MSGN1: variants seen among roughly 807,000 people sequenced by gnomAD.
MSGN1 encodes mesogenin-1.
In MSGN1, 3 loss-of-function variants were observed where a neutral mutation model predicts 10.1. That is an observed-to-expected ratio of 0.30 (90% CI 0.13 to 0.76). MSGN1 has a LOEUF of 0.76. Among genes scored for constraint, MSGN1 ranks in the 30% least tolerant of loss-of-function variants. The pLI, the probability that MSGN1 is intolerant of heterozygous loss-of-function variation, is 0.67. For synonymous variants in MSGN1, 110 were observed against 103.8 expected (o/e 1.06, Z -0.37); for missense variants, 244 against 244.5 (o/e 1.00, Z 0.01).
At position 17,817,355 on chromosome 2, in the gene MSGN1, AACAG is replaced by A. The variant is rs991442836; in HGVS notation, c.*261_*264del. The stretch of plus-strand genomic sequence containing the variant: ...CCATCTGGGAGGCTCATCCTTTGCA[AACAG>A]ACAGATTATTTTGCCCTTCTCTGTC... On this transcript the variant is annotated 3_prime_UTR_variant, in exon 1 of 1. Coordinates refer to ENST00000281047, the MANE Select transcript of MSGN1 (RefSeq NM_001105569.3). Among the ~76,000 whole-genome samples the A allele has an allele frequency of 3.9e-4, 60 of 152,316 alleles. No homozygotes were observed. The highest frequency in any genetic ancestry group is 1.4e-3 in the African/African-American group (59 of 41,570).
Position 17,816,693 on chromosome 2 carries a change from T to C in MSGN1, c.175T>C (p.Ser59Pro). ...TCCATCGCTGGAATCCTATTCTTCTTCTCCCTGTCCAGCTGTGGCTGGGCT... is the reference window on the plus strand; with the variant it reads ...TCCATCGCTGGAATCCTATTCTTCTCCTCCCTGTCCAGCTGTGGCTGGGCT... The part of the protein sequence containing the change: ...PAPSLESYSS[S>P]PCPAVAGLPC... The change falls in exon 1 of 1, where the codon TCT becomes CCT. Residue 59 changes from serine to proline, a missense_variant. Physicochemically the swap from Ser to Pro is moderately conservative, Grantham distance 74 (BLOSUM62 -1). Transcript: ENST00000281047. 6.8e-6 allele frequency: 11 copies of C among 1,614,192 alleles called. No individual in the cohort carries two copies. Among genetic ancestry groups the C allele is most frequent in the Non-Finnish European group, 9.3e-6 (11 of 1,180,042 alleles).
At position 17,817,087 on chromosome 2, in the gene MSGN1, C is replaced by G. The variant is rs779324076; in HGVS notation, c.569C>G (p.Ala190Gly). 2.5e-6 allele frequency: 4 copies of G among 1,613,096 alleles called. No homozygotes were observed. Among genetic ancestry groups the G allele is most frequent in the Middle Eastern group, 1.7e-4 (1 of 6,058 alleles). Residue 190 changes from alanine to glycine, a missense_variant, in exon 1 of 1, where the codon GCC becomes GGC. Transcript: ENST00000281047. ...CTTAACCGCGGCAGAGAGCCCAGAG[C>G]CCAGAGCGCGTGAGCTCCATCCGGG... is the stretch of plus-strand genomic sequence containing the variant. ...DLLNRGREPR[A>G]QSA
rs1673585268 is a variant in MSGN1 at position 17,817,043 on chromosome 2, C to T, written c.525C>T (p.Ile175=). The change falls in exon 1 of 1, where the codon ATC becomes ATT. Residue 175 remains isoleucine (I), a synonymous_variant. Coordinates refer to ENST00000281047, the MANE Select transcript of MSGN1 (RefSeq NM_001105569.3). The part of the protein sequence containing the change: ...IQTLKYTIKY[I]GELTDLLNRG... ...CACTCAAGTACACCATCAAGTACAT[C>T]GGGGAACTCACAGACCTCCTTAACC... 6.2e-7 allele frequency: 1 copy of T among 1,613,838 alleles called. No individual in the cohort carries two copies. The highest frequency in any genetic ancestry group is 8.5e-7 in the Non-Finnish European group (1 of 1,179,758).
chr2:17,816,731 C>T lies in MSGN1; in HGVS notation c.213C>T (p.His71=), dbSNP rs1435251771. 1.9e-6 allele frequency: 3 copies of T among 1,613,852 alleles called. No individual in the cohort carries two copies. Among genetic ancestry groups the T allele is most frequent in the African/African-American group, 1.3e-5 (1 of 74,946 alleles). ...CTGTGGCTGGGCTGCCCTGTGAGCACGGCGGGGCCAGCAGTGGGGGCAGCG... is the reference window on the plus strand; with the variant it reads ...CTGTGGCTGGGCTGCCCTGTGAGCATGGCGGGGCCAGCAGTGGGGGCAGCG... ...CPAVAGLPCE[H]GGASSGGSEG... The change falls in exon 1 of 1, where the codon CAC becomes CAT. Residue 71 remains histidine, a synonymous_variant. Transcript: ENST00000281047.
In MSGN1 at chr2:17,817,241, C is replaced by A; in HGVS notation, c.*141C>A. ...CCTGATAATCTTGTGATCTGAAAAACCCTAAGGGAATTCACATGTAACCTG... is the reference window on the plus strand; with the variant it reads ...CCTGATAATCTTGTGATCTGAAAAAACCTAAGGGAATTCACATGTAACCTG... On this transcript the variant is annotated 3_prime_UTR_variant, in exon 1 of 1. Coordinates refer to ENST00000281047, the MANE Select transcript of MSGN1 (RefSeq NM_001105569.3). The A allele has an allele frequency of 1.3e-6, 1 of 770,148 alleles. No individual in the cohort carries two copies. The highest frequency in any genetic ancestry group is 1.9e-5 in the South Asian group (1 of 52,962). 47.7% of individuals were successfully genotyped at this position (770,148 alleles called of 1,614,324 possible).
In MSGN1 at chr2:17,817,176, T is replaced by C. The variant is rs931862483; in HGVS notation, c.*76T>C. 8.4e-6 allele frequency: 10 copies of C among 1,191,500 alleles called. No individual in the cohort carries two copies. In the Admixed American group the frequency reaches 1.8e-4, roughly 21 times the overall value. The allele number at this position is 1,191,500 out of a possible 1,614,324, so 73.8% of individuals were successfully genotyped here. On this transcript the variant is annotated 3_prime_UTR_variant, in exon 1 of 1. Coordinates refer to ENST00000281047, the MANE Select transcript of MSGN1 (RefSeq NM_001105569.3). ...GAGTTTTGAAGACCTGGATATCTTA[T>C]TGAACAATGATCGGCGTAGAGTGAT...
chr2:17,816,991 G>C lies in MSGN1; in HGVS notation c.473G>C (p.Arg158Thr). Residue 158 changes from arginine (R) to threonine (T), a missense_variant, in exon 1 of 1, where the codon AGA (arginine) becomes ACA (threonine). Arg to Thr is a moderately conservative substitution (Grantham distance 71, BLOSUM62 -1). Transcript: ENST00000281047. ...TACCTGCCACCTGTCTACAGCCAGA[G>C]AGGCCAGCCTCTCACCAAGATCCAG... ...RNYLPPVYSQRGQPLTKIQTL... is the reference protein window; with the variant it reads ...RNYLPPVYSQTGQPLTKIQTL... 6.2e-7 allele frequency: 1 copy of C among 1,614,238 alleles called. No individual in the cohort carries two copies. The highest frequency in any genetic ancestry group is 8.5e-7 in the Non-Finnish European group (1 of 1,180,046).
chr2:17,816,891 C>G lies in MSGN1; in HGVS notation c.373C>G (p.Arg125Gly), dbSNP rs1398242129. 2 of 1,614,218 alleles carry G rather than the reference C, an allele frequency of 1.2e-6. No homozygotes were observed. Among genetic ancestry groups the G allele is most frequent in the Non-Finnish European group, 1.7e-6 (2 of 1,180,030 alleles). ...KGTKVRMSVQ[R>G]RRKASEREKL... ...CACCAAAGTCAGGATGTCTGTCCAGCGGAGGCGGAAAGCCAGCGAGAGGGA... is the reference window on the plus strand; with the variant it reads ...CACCAAAGTCAGGATGTCTGTCCAGGGGAGGCGGAAAGCCAGCGAGAGGGA... The change falls in exon 1 of 1, where the codon CGG becomes GGG. Residue 125 changes from arginine (R) to glycine (G), a missense_variant. Arg to Gly is a moderately radical substitution (Grantham distance 125). Transcript: ENST00000281047.
In MSGN1 at chr2:17,817,088, C is replaced by A. The variant is rs2125208748; in HGVS notation, c.570C>A (p.Ala190=). The change falls in exon 1 of 1, where the codon GCC becomes GCA. Residue 190 remains alanine (A), a synonymous_variant. Transcript: ENST00000281047. ...DLLNRGREPR[A]QSA ...TTAACCGCGGCAGAGAGCCCAGAGC[C>A]CAGAGCGCGTGAGCTCCATCCGGGG... 1 of 1,613,150 alleles carries A rather than the reference C, an allele frequency of 6.2e-7. No individual in the cohort carries two copies.
rs779759038 is a variant in MSGN1 at position 17,816,640 on chromosome 2, C to T, written c.122C>T (p.Ala41Val). ...DRAGPFELNQ[A>V]SPSQSLSPAP... The stretch of plus-strand genomic sequence containing the variant: ...GCAGGGCCCTTTGAGCTGAATCAGG[C>T]CTCCCCCTCTCAGAGCCTTTCCCCG... Residue 41 changes from alanine (A) to valine (V), a missense_variant, in exon 1 of 1, where the codon GCC becomes GTC. By Grantham distance (64) the Ala-to-Val change is moderately conservative (BLOSUM62 0). Transcript: ENST00000281047. 91 of 1,614,138 alleles carry T rather than the reference C, an allele frequency of 5.6e-5. No individual in the cohort carries two copies. The highest frequency in any genetic ancestry group is 7.4e-5 in the Non-Finnish European group (87 of 1,180,052).
Position 17,817,787 on chromosome 2 carries a change from G to T in MSGN1, c.*687G>T, listed in dbSNP as rs966200131. On this transcript the variant is annotated 3_prime_UTR_variant, in exon 1 of 1. Transcript: ENST00000281047. ...AACAGCTTGTGTGACAGGGAAGGAG[G>T]GTACGGGGAGGAGGAGGAGGAGACA... 6.6e-6 allele frequency among the ~76,000 whole-genome samples: 1 copy of T among 152,088 alleles called. No homozygotes were observed. Among genetic ancestry groups the T allele is most frequent in the Non-Finnish European group, 1.5e-5 (1 of 68,014 alleles).
At position 17,817,242 on chromosome 2, in the gene MSGN1, C is replaced by A. The variant is rs1185618851; in HGVS notation, c.*142C>A. On this transcript the variant is annotated 3_prime_UTR_variant, in exon 1 of 1. Coordinates refer to ENST00000281047, the MANE Select transcript of MSGN1 (RefSeq NM_001105569.3). ...CTGATAATCTTGTGATCTGAAAAAC[C>A]CTAAGGGAATTCACATGTAACCTGT... The A allele has an allele frequency of 1.0e-5, 8 of 767,682 alleles. No homozygotes were observed. Among genetic ancestry groups the A allele is most frequent in the South Asian group, 9.5e-5 (5 of 52,890 alleles). 47.6% of individuals were successfully genotyped at this position (767,682 alleles called of 1,614,324 possible).
In MSGN1 at chr2:17,817,132, C is replaced by A; in HGVS notation, c.*32C>A. The A allele has an allele frequency of 1.3e-6, 2 of 1,580,270 alleles. No homozygotes were observed. The highest frequency in any genetic ancestry group is 1.7e-6 in the Non-Finnish European group (2 of 1,155,548). On this transcript the variant is annotated 3_prime_UTR_variant, in exon 1 of 1. Transcript: ENST00000281047. ...TCCGGGGAAACTGACCGGTTCCAGC[C>A]TCCTGAGCAGGAGTAGAGGAGTTTT...
chr2:17,816,698 C>T lies in MSGN1; in HGVS notation c.180C>T (p.Pro60=), dbSNP rs1673574291. ...APSLESYSSS[P]CPAVAGLPCE... ...CGCTGGAATCCTATTCTTCTTCTCC[C>T]TGTCCAGCTGTGGCTGGGCTGCCCT... is the stretch of plus-strand genomic sequence containing the variant. Residue 60 remains proline (P), a synonymous_variant, in exon 1 of 1, where the codon CCC becomes CCT. Transcript: ENST00000281047. The T allele has an allele frequency of 3.1e-6, 5 of 1,614,236 alleles. No individual in the cohort carries two copies. Among genetic ancestry groups the T allele is most frequent in the Non-Finnish European group, 3.4e-6 (4 of 1,180,032 alleles).
At position 17,816,805 on chromosome 2, in the gene MSGN1, A is replaced by G. The variant is rs1434233935; in HGVS notation, c.287A>G (p.Asn96Ser). Residue 96 changes from asparagine (N) to serine (S), a missense_variant, in exon 1 of 1, where the codon AAT becomes AGT. Coordinates refer to ENST00000281047, the MANE Select transcript of MSGN1 (RefSeq NM_001105569.3). The part of the protein sequence containing the change: ...GASGLVEVDY[N>S]MLAFQPTHLQ... ...AGTGGCCTGGTAGAGGTGGACTACA[A>G]TATGTTAGCTTTCCAGCCCACCCAC... is the stretch of plus-strand genomic sequence containing the variant. 1.2e-6 allele frequency: 2 copies of G among 1,614,070 alleles called. No individual in the cohort carries two copies. Among genetic ancestry groups the G allele is most frequent in the African/African-American group, 2.7e-5 (2 of 74,948 alleles).
Position 17,816,523 on chromosome 2 carries a change from A to G in MSGN1, c.5A>G (p.Asp2Gly). M[D>G]NLRETFLSLE... The stretch of plus-strand genomic sequence containing the variant: ...TTCTGCAGCTGTCTCGCAGGCATGG[A>G]CAACCTGCGCGAGACTTTCCTCAGC... Residue 2 changes from aspartate to glycine, a missense_variant, in exon 1 of 1, where the codon GAC (aspartate) becomes GGC (glycine). Coordinates refer to ENST00000281047, the MANE Select transcript of MSGN1 (RefSeq NM_001105569.3). 1 of 1,577,012 alleles carries G rather than the reference A, an allele frequency of 6.3e-7. No homozygotes were observed. The highest frequency in any genetic ancestry group is 8.6e-7 in the Non-Finnish European group (1 of 1,157,930).
chr2:17,817,171 T>A lies in MSGN1; in HGVS notation c.*71T>A, dbSNP rs1303501349. 8.0e-7 allele frequency: 1 copy of A among 1,243,188 alleles called. No individual in the cohort carries two copies. Among genetic ancestry groups the A allele is most frequent in the Non-Finnish European group, 1.1e-6 (1 of 876,806 alleles). 77.0% of individuals were successfully genotyped at this position (1,243,188 alleles called of 1,614,324 possible). On this transcript the variant is annotated 3_prime_UTR_variant, in exon 1 of 1. Coordinates refer to ENST00000281047, the MANE Select transcript of MSGN1 (RefSeq NM_001105569.3). ...TAGAGGAGTTTTGAAGACCTGGATA[T>A]CTTATTGAACAATGATCGGCGTAGA... is the stretch of plus-strand genomic sequence containing the variant.
At position 17,817,234 on chromosome 2, in the gene MSGN1, T is replaced by A. The variant is rs1236620063; in HGVS notation, c.*134T>A. 1.0e-5 allele frequency: 8 copies of A among 789,232 alleles called. No individual in the cohort carries two copies. The highest frequency in any genetic ancestry group is 2.9e-5 in the Admixed American group (1 of 34,466). The allele number at this position is 789,232 out of a possible 1,614,324, so 48.9% of individuals were successfully genotyped here. ...TAGTAAGCCTGATAATCTTGTGATC[T>A]GAAAAACCCTAAGGGAATTCACATG... On this transcript the variant is annotated 3_prime_UTR_variant, in exon 1 of 1. Transcript: ENST00000281047.
rs1673596427 is a variant in MSGN1, at chr2:17,817,674, G to T, written c.*574G>T. 6.6e-6 allele frequency among the ~76,000 whole-genome samples: 1 copy of T among 152,140 alleles called. No homozygotes were observed. The highest frequency in any genetic ancestry group is 1.9e-4 in the East Asian group (1 of 5,188). On this transcript the variant is annotated 3_prime_UTR_variant, in exon 1 of 1. Coordinates refer to ENST00000281047, the MANE Select transcript of MSGN1 (RefSeq NM_001105569.3). ...AAATCACTTAAATGCGGAAGGCACT[G>T]GTGTCATGATAAATGGAAAGTCACA... is the stretch of plus-strand genomic sequence containing the variant.
Sources: gnomAD v4.1 joint callset for allele counts (sites outside exome capture counted in the v4.1 genomes callset) on GRCh38, gnomAD v4.1.1 for gene constraint, MANE v1.5 for transcripts, NCBI Gene and HGNC (gene_info 2026-07-23, HGNC 2026-07-21) for gene names.